CEP85L: variants seen among roughly 807,000 people sequenced by gnomAD.
The protein encoded by CEP85L is centrosomal protein 85L.
CEP85L carries 60 observed loss-of-function variants against 100.3 expected under a neutral mutation model. The observed-to-expected ratio is 0.60, with a 90% CI of 0.49 to 0.74. The LOEUF (loss-of-function observed/expected upper bound fraction) is 0.74. Ranked by LOEUF, CEP85L falls within the 30% of genes least tolerant of loss-of-function variation. The probability of loss-of-function intolerance (pLI) is 0.00; values close to 1 mark genes in which losing one functional copy is unlikely to be tolerated. For missense variants in CEP85L, 973 were observed against 936.2 expected (o/e 1.04, Z -0.51); for synonymous variants, 319 against 322.7 (o/e 0.99, Z 0.12).
intron 1 of CEP85L, chr6:118,710,008 A>G (rs924364410): frequency 1.3e-5 from 2 of 152,236 alleles, no homozygotes; most frequent in African/African-American, 4.8e-5. Context: ...AAAAAGGAAA[A>G]TGCTCCACAA....
intron 3 of CEP85L, among the ~76,000 whole-genome samples, chr6:118,531,349 C>CA (rs1319557694): frequency 2.0e-5 from 3 of 152,108 alleles, no homozygotes; most frequent in Non-Finnish European, 2.9e-5. Flanking sequence ...ATACTATATA[C>CA]AAAAAATCAA....
chr6:118,607,275 G>A (rs1189157751), intron 2 of CEP85L, among the ~76,000 whole-genome samples: 1 of 152,150 alleles, frequency 6.6e-6, no homozygotes, highest in Non-Finnish European at 1.5e-5. Flanking sequence ...GAAAAGATAG[G>A]AAAGGAAAAG....
chr6:118,507,517 A>G (rs1286826881), intron 5 of CEP85L, among the ~76,000 whole-genome samples: 1 of 152,218 alleles, frequency 6.6e-6, no homozygotes, highest in Non-Finnish European at 1.5e-5. Context: ...TAAGCACAGC[A>G]GGCATAAACT....
chr6:118,610,090 C>A (rs113943148), intron 2 of CEP85L, among the ~76,000 whole-genome samples: 1 of 151,946 alleles, frequency 6.6e-6, no homozygotes, highest in Non-Finnish European at 1.5e-5. Context: ...TAAAAATCAT[C>A]GTATTAAATC....
chr6:118,668,815 T>G (rs185375483), intron 1 of CEP85L, among the ~76,000 whole-genome samples: 19 of 152,246 alleles, frequency 1.2e-4, no homozygotes, highest in Non-Finnish European at 2.4e-4. Flanking sequence ...TATATCTAAA[T>G]TATTGCTCTT....
At chr6:118,552,680 C>T (rs138168884) in intron 3 of CEP85L, among the ~76,000 whole-genome samples, 2 of 150,650 alleles carry the variant, frequency 1.3e-5, no homozygotes, top group African/African-American at 2.4e-5. Flanking sequence ...TAATTTCCAG[C>T]GTTACTTTTC....
intron 2 of CEP85L, among the ~76,000 whole-genome samples, chr6:118,580,212 C>T (rs1046886822): frequency 6.6e-6 from 1 of 151,996 alleles, no homozygotes; most frequent in Non-Finnish European, 1.5e-5. Context: ...TCTTTCTTGC[C>T]GATTTATTAA....
At chr6:118,636,110 A>ATGT (rs1359668757) in intron 1 of CEP85L, among the ~76,000 whole-genome samples, 1 of 152,244 alleles carries the variant, frequency 6.6e-6, no homozygotes, top group Admixed American at 6.5e-5. Flanking sequence ...GGATGTGGCT[A>ATGT]TGTTGTAATA....
At position 118,651,331 on chromosome 6, in the gene CEP85L, C is replaced by T. The variant is rs1034966193; in HGVS notation, c.-62G>A. ...ACTCCTCACGTCCGTCCTCCTGCTTCTTCGGCGGCGGAAACTTGCGCGGAG... is the reference window on the plus strand; with the variant it reads ...ACTCCTCACGTCCGTCCTCCTGCTTTTTCGGCGGCGGAAACTTGCGCGGAG... On this transcript the variant is annotated 5_prime_UTR_variant, in exon 1 of 13. Transcript: ENST00000368491. The T allele has an allele frequency of 7.9e-6, 11 of 1,390,522 alleles. No individual in the cohort carries two copies. In the East Asian group the frequency reaches 2.5e-4, roughly 31 times the overall value. 86.1% of individuals were successfully genotyped at this position (1,390,522 alleles called of 1,614,324 possible). A position where few individuals can be genotyped will look rare whatever the true frequency, so the allele number is the denominator to read the frequency against.
intron 2 of CEP85L, among the ~76,000 whole-genome samples, chr6:118,596,213 A>AT (rs1318835879): frequency 4.2e-5 from 6 of 144,326 alleles, no homozygotes; most frequent in African/African-American, 1.8e-4. Flanking sequence ...GATAAAAAAC[A>AT]TATCTGCTTG....
In CEP85L at chr6:118,639,789, TAACAAATGTTC is replaced by T. The variant is rs1458538085; in HGVS notation, c.74-7189_74-7179del. Among the ~76,000 whole-genome samples, 20 of 152,312 alleles carry T rather than the reference TAACAAATGTTC, an allele frequency of 1.3e-4. No homozygotes were observed. The East Asian group carries it at 3.7e-3, about 28-fold the overall frequency. On this transcript the variant is annotated intron_variant, in intron 1 of 12. Transcript: ENST00000368491. Reference sequence around the variant, plus strand: ...GTAGTCATTATAACCACTGGATACCTAACAAATGTTCACAGAATAAAATTAGAATTTTGGAA... The same window carrying T: ...GTAGTCATTATAACCACTGGATACCTACAGAATAAAATTAGAATTTTGGAA...
chr6:118,697,477 T>A (rs766549414), intron 1 of CEP85L, among the ~76,000 whole-genome samples: 1 of 152,244 alleles, frequency 6.6e-6, no homozygotes, highest in Non-Finnish European at 1.5e-5. Flanking sequence ...CATACTAGGA[T>A]AATTTTCCTT....
intron 2 of CEP85L, chr6:118,589,441 G>T: frequency 3.8e-6 from 1 of 264,060 alleles, no homozygotes; most frequent in Non-Finnish European, 8.1e-6. Context: ...ATGATTTGAA[G>T]GGAGTGCCAG....
intron 3 of CEP85L, among the ~76,000 whole-genome samples, chr6:118,558,656 C>CAGAGAG (rs1413401167): frequency 7.5e-6 from 1 of 133,860 alleles, no homozygotes; most frequent in Admixed American, 7.2e-5. Flanking sequence ...CACACACACA[C>CAGAGAG]ACACAGAGAG....
chr6:118,587,120 C>G (rs908141959), intron 2 of CEP85L, among the ~76,000 whole-genome samples: 9 of 152,286 alleles, frequency 5.9e-5, no homozygotes, highest in Middle Eastern at 3.4e-3. Flanking sequence ...AAGTGGTTCG[C>G]TCAGTTCAGT....
intron 7 of CEP85L, 121 bp from the exon 8 acceptor site, chr6:118,482,054 TCA>T: frequency 2.0e-6 from 1 of 507,574 alleles, no homozygotes; most frequent in African/African-American, 2.1e-5. Flanking sequence ...AAAAAAAGAA[TCA>T]CACTGTATTT....
chr6:118,641,153 C>T (rs570641488), intron 1 of CEP85L, among the ~76,000 whole-genome samples: 1 of 151,306 alleles, frequency 6.6e-6, no homozygotes, highest in Admixed American at 6.6e-5. Context: ...TTGCTCTTTT[C>T]CCTCCCTATT....
intron 1 of CEP85L, among the ~76,000 whole-genome samples, chr6:118,649,649 A>G (rs1562338860): frequency 6.6e-6 from 1 of 152,158 alleles, no homozygotes; most frequent in Non-Finnish European, 1.5e-5. Flanking sequence ...CAATCACTGA[A>G]GTTACTTAGA....
chr6:118,576,259 G>T (rs748132775), intron 2 of CEP85L, among the ~76,000 whole-genome samples: 6 of 152,092 alleles, frequency 3.9e-5, no homozygotes, highest in Non-Finnish European at 8.8e-5. Flanking sequence ...AGGACTCAAG[G>T]CCTCCTAGCG....
Sources: gnomAD v4.1 joint callset for allele counts (sites outside exome capture counted in the v4.1 genomes callset) on GRCh38, gnomAD v4.1.1 for gene constraint, MANE v1.5 for transcripts, NCBI Gene and HGNC (gene_info 2026-07-23, HGNC 2026-07-21) for gene names.